The following CADPS variants were observed in gnomAD, a reference collection of about 807,000 sequenced individuals.
The protein encoded by CADPS is calcium-dependent secretion activator 1.
A neutral mutation model predicts 167.3 loss-of-function variants in CADPS; 57 were observed. That is an observed-to-expected ratio of 0.34 (90% CI 0.28 to 0.42). The LOEUF is 0.42. Among genes scored for constraint, CADPS ranks in the 20% least tolerant of loss-of-function variants. CADPS has a pLI of 1.00. For synonymous variants in CADPS, 676 were observed against 635.3 expected, an observed-to-expected ratio of 1.06 and a Z score of -0.96; for missense variants, 1,414 against 1,738.1, an observed-to-expected ratio of 0.81 and a Z score of 3.32.
intron 25 of CADPS, among the ~76,000 whole-genome samples, chr3:62,466,065 C>T (rs1052647545): frequency 3.3e-5 from 5 of 152,138 alleles, no homozygotes; most frequent in East Asian, 1.9e-4. Context: ...TTTGTCAGAG[C>T]TGAAAAACAA....
chr3:62,861,671 G>A lies in CADPS; in HGVS notation c.441+12918C>T, dbSNP rs138055200. On this transcript the variant is annotated intron_variant, in intron 1 of 29. Transcript: ENST00000383710. ...TTAATCTTCTTAAAATGCTACAATGGTCATGTCGTTGTCCTGCTCAGAATT... is the reference window on the plus strand; with the variant it reads ...TTAATCTTCTTAAAATGCTACAATGATCATGTCGTTGTCCTGCTCAGAATT... Among the ~76,000 whole-genome samples the A allele has an allele frequency of 3.8e-4, 58 of 152,160 alleles. 2 individuals carry two copies. The highest frequency in any genetic ancestry group is 1.3e-3 in the African/African-American group (56 of 41,536).
chr3:62,744,142 T>G (rs1446032570), intron 3 of CADPS, among the ~76,000 whole-genome samples: 1 of 152,240 alleles, frequency 6.6e-6, no homozygotes, highest in East Asian at 1.9e-4. Context: ...TTTAAAGGCT[T>G]GTTATGAGGA....
At position 62,438,998 on chromosome 3, in the gene CADPS, G is replaced by T. The variant is rs1459193201; in HGVS notation, c.3670-787C>A. 1 of 150,806 alleles carries T rather than the reference G, an allele frequency of 6.6e-6. No individual in the cohort carries two copies. Among genetic ancestry groups the T allele is most frequent in the Non-Finnish European group, 1.5e-5 (1 of 67,802 alleles). 9.3% of individuals were successfully genotyped at this position (150,806 alleles called of 1,614,324 possible). ...CAGTTAGGAAATGACTTATTGTAGGGAAGTAAAAAAAAAAAGAAACTCAGA... is the reference window on the plus strand; with the variant it reads ...CAGTTAGGAAATGACTTATTGTAGGTAAGTAAAAAAAAAAAGAAACTCAGA... On this transcript the variant is annotated intron_variant, in intron 27 of 29. Transcript: ENST00000383710. This position sits in a 1 kb window ranked among gnomAD's most constrained non-coding sequence, Gnocchi z 4.7.
chr3:62,791,702 A>G (rs1264561949), intron 1 of CADPS, among the ~76,000 whole-genome samples: 1 of 152,198 alleles, frequency 6.6e-6, no homozygotes, highest in African/African-American at 2.4e-5. Flanking sequence ...ACGGCAGGAA[A>G]ACGGAAAAGA....
At chr3:62,622,286 A>C (rs919225821) in intron 6 of CADPS, among the ~76,000 whole-genome samples, 1 of 152,018 alleles carries the variant, frequency 6.6e-6, no homozygotes, top group Non-Finnish European at 1.5e-5. Context: ...TCTCAACCAC[A>C]AATGTTTATT....
At chr3:62,673,945 A>G (rs1288518841) in intron 3 of CADPS, among the ~76,000 whole-genome samples, 1 of 152,218 alleles carries the variant, frequency 6.6e-6, no homozygotes, top group Non-Finnish European at 1.5e-5. Flanking sequence ...AAAAACATCC[A>G]GTGATGTTTA....
intron 1 of CADPS, among the ~76,000 whole-genome samples, chr3:62,770,063 C>A (rs765511227): frequency 2.0e-5 from 3 of 152,190 alleles, no homozygotes; most frequent in Non-Finnish European, 4.4e-5. Flanking sequence ...TTGCTCTTTA[C>A]TTACTCTGGT....
rs552983825 is a variant in CADPS at position 62,765,611 on chromosome 3, A to G, written c.555+260T>C. Among the ~76,000 whole-genome samples the G allele has an allele frequency of 8.5e-5, 13 of 152,336 alleles. No homozygotes were observed. In the East Asian group the frequency reaches 2.5e-3, roughly 29 times the overall value. ...GGAAATACAATCAGACCTAATTCAT[A>G]AGACTGTTATATGTTGTATGAAAAA... On this transcript the variant is annotated intron_variant, in intron 2 of 29. Coordinates refer to ENST00000383710, the MANE Select transcript of CADPS (RefSeq NM_003716.4).
intron 1 of CADPS, among the ~76,000 whole-genome samples, chr3:62,823,931 A>G (rs1163740706): frequency 6.6e-6 from 1 of 152,096 alleles, no homozygotes; most frequent in Non-Finnish European, 1.5e-5. Flanking sequence ...CTAAGTTAAC[A>G]CGGCCCATGT....
At position 62,465,007 on chromosome 3, in the gene CADPS, C is replaced by T. The variant is rs1341674518; in HGVS notation, c.3636+360G>A. Among the ~76,000 whole-genome samples the T allele has an allele frequency of 1.3e-5, 2 of 152,128 alleles. No homozygotes were observed. The highest frequency in any genetic ancestry group is 2.9e-5 in the Non-Finnish European group (2 of 68,018). On this transcript the variant is annotated intron_variant, in intron 26 of 29. Transcript: ENST00000383710. The surrounding 1 kb of genome is among the most constrained non-coding windows in gnomAD (Gnocchi z 4.1). ...TGAGTGCAGGTCTTCATTTAAAACT[C>T]TAAAATTAATTTTTCTTATTTACAG...
At chr3:62,594,291 A>G (rs1024344446) in intron 6 of CADPS, among the ~76,000 whole-genome samples, 3 of 149,540 alleles carry the variant, frequency 2.0e-5, no homozygotes, top group Non-Finnish European at 4.5e-5. Context: ...CCTCCCAAGT[A>G]GCTGGGACTA....
intron 28 of CADPS, among the ~76,000 whole-genome samples, chr3:62,425,855 C>T (rs764474400): frequency 1.3e-5 from 2 of 152,206 alleles, no homozygotes; most frequent in African/African-American, 4.8e-5. Flanking sequence ...AGTGCCTAAG[C>T]ATAGACTCCT....
chr3:62,457,898 AG>A (rs1420024586), intron 26 of CADPS, among the ~76,000 whole-genome samples: 1 of 152,116 alleles, frequency 6.6e-6, no homozygotes, highest in Non-Finnish European at 1.5e-5. Flanking sequence ...ACATGGACAC[AG>A]GGAGGGAAAC....
intron 9 of CADPS, among the ~76,000 whole-genome samples, chr3:62,569,923 T>C (rs1038267596): frequency 6.6e-6 from 1 of 152,120 alleles, no homozygotes; most frequent in African/African-American, 2.4e-5. Context: ...ACCAAAAAGA[T>C]GGGGTCTTTC....
intron 6 of CADPS, among the ~76,000 whole-genome samples, chr3:62,627,485 G>A (rs1393518458): frequency 1.3e-5 from 2 of 151,982 alleles, no homozygotes; most frequent in Non-Finnish European, 2.9e-5. Flanking sequence ...TTACTAAAAC[G>A]GAAATTTCAA....
In CADPS at chr3:62,438,435, T is replaced by C. The variant is rs1195478587; in HGVS notation, c.3670-224A>G. The C allele has an allele frequency of 2.1e-5, 10 of 466,288 alleles. No individual in the cohort carries two copies. Among genetic ancestry groups the C allele is most frequent in the Non-Finnish European group, 3.8e-5 (10 of 260,868 alleles). The allele number at this position is 466,288 out of a possible 1,614,324, so 28.9% of individuals were successfully genotyped here. On this transcript the variant is annotated intron_variant, in intron 27 of 29. Coordinates refer to ENST00000383710, the MANE Select transcript of CADPS (RefSeq NM_003716.4). The surrounding 1 kb of genome is among the most constrained non-coding windows in gnomAD (Gnocchi z 4.7). The stretch of plus-strand genomic sequence containing the variant: ...AGCCTGGCTAAGAAGGGCATTGAGA[T>C]TGTAGGATTTTATAAATAGTTTTTC...
At chr3:62,543,091 G>A (rs2075961569) in intron 11 of CADPS, among the ~76,000 whole-genome samples, 1 of 152,106 alleles carries the variant, frequency 6.6e-6, no homozygotes, top group African/African-American at 2.4e-5. Flanking sequence ...AATATGGTCT[G>A]TTTAGATCAA....
chr3:62,736,226 A>G (rs1333259499), intron 3 of CADPS, among the ~76,000 whole-genome samples: 1 of 152,222 alleles, frequency 6.6e-6, no homozygotes, highest in Non-Finnish European at 1.5e-5. Flanking sequence ...AGCTGTGAAG[A>G]CCAAATAAAA....
chr3:62,761,060 G>A (rs2085282931), intron 2 of CADPS, among the ~76,000 whole-genome samples: 1 of 152,174 alleles, frequency 6.6e-6, no homozygotes. Flanking sequence ...AATGGACTGG[G>A]CTAGAGTAGG....
Sources: gnomAD v4.1 joint callset for allele counts (sites outside exome capture counted in the v4.1 genomes callset) on GRCh38, gnomAD v4.1.1 for gene constraint, Gnocchi (gnomAD v3.1) non-coding constraint, MANE v1.5 for transcripts, NCBI Gene and HGNC (gene_info 2026-07-23, HGNC 2026-07-21) for gene names.